ZNF678: variants seen among roughly 807,000 people sequenced by gnomAD.
ZNF678 encodes hypothetical protein MGC42493.
A neutral mutation model predicts 3.0 loss-of-function variants in ZNF678; 5 were observed. The observed-to-expected ratio is 1.69, with a 90% confidence interval of 0.88 to 3.56. The LOEUF is 3.56. ZNF678 is among the 30% of genes most tolerant of loss of function. The pLI, the probability that ZNF678 is intolerant of heterozygous loss-of-function variation, is 0.00. For synonymous variants in ZNF678, 218 were observed against 199.6 expected (o/e 1.09, Z -0.78); for missense variants, 593 against 605.0 (o/e 0.98, Z 0.21).
intron 1 of ZNF678, among the ~76,000 whole-genome samples, chr1:227,608,370 A>G (rs1399317997): frequency 6.6e-6 from 1 of 152,132 alleles, no homozygotes; most frequent in Non-Finnish European, 1.5e-5. Flanking sequence ...AGGTAAATAA[A>G]TACTCATTTG....
In ZNF678 at chr1:227,660,616, T is replaced by G. The variant is rs894532894; in HGVS notation, c.*4788T>G. 2.6e-4 allele frequency: 39 copies of G among 152,260 alleles called. No homozygotes were observed. The highest frequency in any genetic ancestry group is 8.2e-4 in the African/African-American group (34 of 41,576). 9.4% of individuals were successfully genotyped at this position (152,260 alleles called of 1,614,324 possible). On this transcript the variant is annotated 3_prime_UTR_variant, in exon 4 of 4. Coordinates refer to ENST00000343776, the MANE Select transcript of ZNF678 (RefSeq NM_001367909.1). ...TTTAGTGAATTTATTCTAAGTATTTTTAAAGTTTTCTATTTATAAGACTAT... is the reference window on the plus strand; with the variant it reads ...TTTAGTGAATTTATTCTAAGTATTTGTAAAGTTTTCTATTTATAAGACTAT...
chr1:227,594,673 C>T (rs936695942), intron 1 of ZNF678, among the ~76,000 whole-genome samples: 1 of 152,222 alleles, frequency 6.6e-6, no homozygotes, highest in Non-Finnish European at 1.5e-5. Context: ...ATACATCTTG[C>T]ACATAAAGTG....
intron 1 of ZNF678, among the ~76,000 whole-genome samples, chr1:227,575,048 T>A (rs1368373319): frequency 6.6e-6 from 1 of 152,096 alleles, no homozygotes; most frequent in Non-Finnish European, 1.5e-5. Flanking sequence ...ATCAAATAGT[T>A]GTATAGTTGT....
rs1299420965 is a variant in ZNF678, at chr1:227,563,728, A to G, written c.-164+4A>G. On this transcript the variant is annotated splice_donor_region_variant and intron_variant, in intron 1 of 3. Transcript: ENST00000343776. ...ACACCCCGAAAGCCGGAAAACGGTG[A>G]GAGTTCCCGGGAGGGTGTTCCAAGA... is the stretch of plus-strand genomic sequence containing the variant. 1 of 1,324,102 alleles carries G rather than the reference A, an allele frequency of 7.6e-7. No individual in the cohort carries two copies. Among genetic ancestry groups the G allele is most frequent in the Non-Finnish European group, 1.0e-6 (1 of 998,594 alleles). The allele number at this position is 1,324,102 out of a possible 1,614,324, so 82.0% of individuals were successfully genotyped here.
intron 1 of ZNF678, chr1:227,582,647 A>G (rs180894443): frequency 4.3e-4 from 78 of 180,222 alleles, no homozygotes; most frequent in African/African-American, 1.8e-3. Context: ...TATTTTTAAA[A>G]GTTTTGCCAA....
chr1:227,613,979 G>A (rs1658084394), intron 1 of ZNF678, among the ~76,000 whole-genome samples: 1 of 152,212 alleles, frequency 6.6e-6, no homozygotes, highest in African/African-American at 2.4e-5. Context: ...TTGAAGGAGT[G>A]CCTTGACATT....
chr1:227,642,262 A>C (rs1650571425), intron 1 of ZNF678, among the ~76,000 whole-genome samples: 1 of 152,256 alleles, frequency 6.6e-6, no homozygotes, highest in Non-Finnish European at 1.5e-5. Context: ...CCTCTTTTGG[A>C]GTGGGTTTCT....
At position 227,585,012 on chromosome 1, in the gene ZNF678, G is replaced by C. The variant is rs143845613; in HGVS notation, c.-164+21288G>C. Among the ~76,000 whole-genome samples, 181 of 152,296 alleles carry C rather than the reference G, an allele frequency of 1.2e-3. 2 individuals are homozygous for C. In the South Asian group the frequency reaches 0.028, roughly 23 times the overall value. ...TCTGACAACAGCAATAACAGAACAG[G>C]AGTCACTCTGAGAGAGACTTGAAAC... On this transcript the variant is annotated intron_variant, in intron 1 of 3. Transcript: ENST00000343776.
chr1:227,587,998 A>G (rs768503177), intron 1 of ZNF678, among the ~76,000 whole-genome samples: 7 of 151,550 alleles, frequency 4.6e-5, no homozygotes, highest in African/African-American at 9.7e-5. Context: ...CAGCCCCCCA[A>G]CAGGTGCCCA....
At chr1:227,591,417 T>TTTATTTTCAC (rs1173977449) in intron 1 of ZNF678, among the ~76,000 whole-genome samples, 32 of 152,218 alleles carry the variant, frequency 2.1e-4, no homozygotes, top group African/African-American at 6.3e-4. Flanking sequence ...AGTATCTACA[T>TTTATTTTCAC]TTATTTTCAC....
In ZNF678 at chr1:227,578,093, G is replaced by T. The variant is rs375885870; in HGVS notation, c.-164+14369G>T. Among the ~76,000 whole-genome samples, 9 of 152,212 alleles carry T rather than the reference G, an allele frequency of 5.9e-5. 1 individual carries two copies. Among genetic ancestry groups the T allele is most frequent in the Admixed American group, 4.6e-4 (7 of 15,282 alleles). ...GTCTCTTCCGGCTTTTAAGGTTTCC[G>T]TTGAGAGGTCCACTTTTAGTCTGAT... is the stretch of plus-strand genomic sequence containing the variant. On this transcript the variant is annotated intron_variant, in intron 1 of 3. Coordinates refer to ENST00000343776, the MANE Select transcript of ZNF678 (RefSeq NM_001367909.1).
intron 1 of ZNF678, among the ~76,000 whole-genome samples, chr1:227,586,424 A>AAT (rs1165013647): frequency 4.6e-5 from 7 of 152,188 alleles, no homozygotes; most frequent in Non-Finnish European, 8.8e-5. Context: ...CACCAAATAG[A>AAT]ATATATCACT....
rs1247724802 is a variant in ZNF678, at chr1:227,596,937, C to T, written c.-164+33213C>T. Among the ~76,000 whole-genome samples, 10 of 152,218 alleles carry T rather than the reference C, an allele frequency of 6.6e-5. No homozygotes were observed. The South Asian group carries it at 1.0e-3, about 16-fold the overall frequency. ...AACACAAAGTCCAAATTCAACAGCACATAATAAAAGTTTTTTCTAAAATCT... is the reference window on the plus strand; with the variant it reads ...AACACAAAGTCCAAATTCAACAGCATATAATAAAAGTTTTTTCTAAAATCT... On this transcript the variant is annotated intron_variant, in intron 1 of 3. Transcript: ENST00000343776.
At chr1:227,633,785 C>G (rs1401568183) in intron 1 of ZNF678, among the ~76,000 whole-genome samples, 2 of 152,196 alleles carry the variant, frequency 1.3e-5, no homozygotes, top group African/African-American at 2.4e-5. Context: ...ATTTGAAAGA[C>G]AGTCTAGGCC....
rs779175623 is a variant in ZNF678 at position 227,655,587 on chromosome 1, C to T, written c.1337C>T (p.Ser446Leu). 1.2e-6 allele frequency: 2 copies of T among 1,612,342 alleles called. No individual in the cohort carries two copies. The highest frequency in any genetic ancestry group is 1.3e-5 in the African/African-American group (1 of 74,842). ...TGTGGCAAAGCTTTTTACCAATCCT[C>T]AATCCTTAGTAAGCATAAGAGAATT... ...KECGKAFYQS[S>L]ILSKHKRIHT... Residue 446 changes from serine to leucine, a missense_variant, in exon 4 of 4, where the codon TCA becomes TTA. By Grantham distance (145) the Ser-to-Leu change is moderately radical (BLOSUM62 -2). Coordinates refer to ENST00000343776, the MANE Select transcript of ZNF678 (RefSeq NM_001367909.1).
chr1:227,664,750 G>C (rs926685809), downstream of ZNF678, among the ~76,000 whole-genome samples: 1 of 151,922 alleles, frequency 6.6e-6, no homozygotes, highest in Non-Finnish European at 1.5e-5. Context: ...TTATCTTGGG[G>C]TCTGTCACCG....
chr1:227,593,350 A>G (rs1024488427), intron 1 of ZNF678, among the ~76,000 whole-genome samples: 1 of 152,216 alleles, frequency 6.6e-6, no homozygotes, highest in Admixed American at 6.5e-5. Flanking sequence ...TTAAGTCTTT[A>G]ACTTCGATGA....
intron 1 of ZNF678, among the ~76,000 whole-genome samples, chr1:227,569,112 C>T (rs954085945): frequency 6.6e-6 from 1 of 152,242 alleles, no homozygotes; most frequent in African/African-American, 2.4e-5. Flanking sequence ...GCCTCACCCT[C>T]TGGAATAACT....
chr1:227,643,728 C>T (rs1161376844), intron 1 of ZNF678, among the ~76,000 whole-genome samples: 2 of 152,150 alleles, frequency 1.3e-5, no homozygotes, highest in Non-Finnish European at 2.9e-5. Context: ...TCAGTAGTTG[C>T]TCTCCAAGTT....
Sources: allele counts gnomAD v4.1 joint callset (sites outside exome capture counted in the v4.1 genomes callset), GRCh38; gene constraint gnomAD v4.1.1; transcripts MANE v1.5; gene names NCBI Gene and HGNC (gene_info 2026-07-23, HGNC 2026-07-21).